Variants in LRP1B observed in about 807,000 individuals in gnomAD.
LRP1B encodes the protein LDL receptor related protein 1B.
In LRP1B, 217 loss-of-function variants were observed where a neutral mutation model predicts 556.6. The ratio of observed to expected loss-of-function variants is 0.39; its 90% confidence interval spans 0.35 to 0.44. LRP1B has a LOEUF of 0.44. Ranked by LOEUF, LRP1B falls within the 20% of genes least tolerant of loss-of-function variation. The pLI is 1.00. For synonymous variants in LRP1B, 2,047 were observed against 1,865.8 expected (o/e 1.10, Z -2.50); for missense variants, 5,053 against 5,620.8 (o/e 0.90, Z 3.23).
chr2:141,011,658 C>T (rs1056124699), intron 14 of LRP1B, among the ~76,000 whole-genome samples: 5 of 151,976 alleles, frequency 3.3e-5, no homozygotes, highest in Non-Finnish European at 5.9e-5. Flanking sequence ...GTAAACAAAA[C>T]ATTATGGTTT....
intron 21 of LRP1B, among the ~76,000 whole-genome samples, chr2:140,912,967 C>A (rs1036688497): frequency 6.6e-6 from 1 of 150,958 alleles, no homozygotes; most frequent in African/African-American, 2.5e-5. Flanking sequence ...AAAAAGATAA[C>A]AAATGTTGTA....
intron 2 of LRP1B, among the ~76,000 whole-genome samples, chr2:141,636,891 A>G (rs562559984): frequency 6.6e-6 from 1 of 152,180 alleles, no homozygotes; most frequent in Admixed American, 6.6e-5. Flanking sequence ...TCCATACTGC[A>G]TACATATGTA....
chr2:140,908,365 A>T (rs1052159408), intron 21 of LRP1B, among the ~76,000 whole-genome samples: 11 of 141,006 alleles, frequency 7.8e-5, no homozygotes, highest in East Asian at 4.1e-4. Context: ...ATATTTATAT[A>T]ATATATATAT....
intron 1 of LRP1B, among the ~76,000 whole-genome samples, chr2:141,986,014 T>C (rs747001516): frequency 4.6e-5 from 7 of 151,984 alleles, no homozygotes; most frequent in African/African-American, 7.2e-5. Flanking sequence ...ATATTAAGAA[T>C]ATTAGAGAAT....
chr2:140,358,424 A>C (rs1215111795), intron 73 of LRP1B, among the ~76,000 whole-genome samples: 1 of 151,738 alleles, frequency 6.6e-6, no homozygotes, highest in African/African-American at 2.4e-5. Context: ...CTTTGTCTCC[A>C]GATGATTTTG....
chr2:141,461,898 G>A (rs1157201659), intron 3 of LRP1B, among the ~76,000 whole-genome samples: 3 of 152,122 alleles, frequency 2.0e-5, no homozygotes, highest in Admixed American at 2.0e-4. Context: ...CTAACATTGA[G>A]TCAACTCTGA....
intron 3 of LRP1B, among the ~76,000 whole-genome samples, chr2:141,409,000 G>A (rs1690749128): frequency 6.6e-6 from 1 of 152,114 alleles, no homozygotes; most frequent in African/African-American, 2.4e-5. Context: ...ATTGGCTTCT[G>A]TGTAATATTG....
intron 15 of LRP1B, among the ~76,000 whole-genome samples, chr2:140,998,708 C>T (rs1697325402): frequency 6.6e-6 from 1 of 152,022 alleles, no homozygotes; most frequent in Admixed American, 6.6e-5. Context: ...GGGTACATGC[C>T]TTTGCTGGCA....
intron 1 of LRP1B, among the ~76,000 whole-genome samples, chr2:141,962,572 T>A (rs1417939458): frequency 6.6e-6 from 1 of 151,822 alleles, no homozygotes; most frequent in African/African-American, 2.4e-5. Flanking sequence ...CTGGTCCCTA[T>A]TTTAAGTTTT....
chr2:140,838,744 G>C (rs532167088), intron 31 of LRP1B, among the ~76,000 whole-genome samples: 15 of 151,990 alleles, frequency 9.9e-5, no homozygotes, highest in Non-Finnish European at 2.2e-4. Context: ...TATCAAAATT[G>C]AGGCTTACTA....
chr2:140,896,125 G>A (rs1035620182), intron 23 of LRP1B, among the ~76,000 whole-genome samples: 10 of 151,826 alleles, frequency 6.6e-5, no homozygotes, highest in Non-Finnish European at 5.9e-5. Context: ...TCATATTTTA[G>A]GTGGTCCTAA....
At chr2:141,144,715 C>T (rs1701740528) in intron 7 of LRP1B, among the ~76,000 whole-genome samples, 1 of 152,112 alleles carries the variant, frequency 6.6e-6, no homozygotes, top group African/African-American at 2.4e-5. Context: ...TTATTAGAAG[C>T]ACCGCAAGGC....
chr2:140,522,055 T>C (rs1690203357), intron 49 of LRP1B, among the ~76,000 whole-genome samples: 1 of 151,986 alleles, frequency 6.6e-6, no homozygotes, highest in Admixed American at 6.6e-5. Flanking sequence ...ACAAGGAAAT[T>C]CTGAATGTAA....
At chr2:140,820,958 C>T (rs1409532523) in intron 31 of LRP1B, among the ~76,000 whole-genome samples, 3 of 148,790 alleles carry the variant, frequency 2.0e-5, no homozygotes, top group Non-Finnish European at 4.4e-5. Flanking sequence ...GTAGCAATTT[C>T]AAAATATTAT....
intron 59 of LRP1B, among the ~76,000 whole-genome samples, chr2:140,480,242 T>C (rs557122339): frequency 2.0e-4 from 31 of 152,156 alleles, no homozygotes; most frequent in Admixed American, 1.1e-3. Context: ...TCTTGGAAAA[T>C]TTGGTAGTTA....
intron 35 of LRP1B, among the ~76,000 whole-genome samples, chr2:140,718,855 A>ATT (rs11395192): frequency 8.9e-4 from 135 of 151,034 alleles, no homozygotes; most frequent in African/African-American, 3.2e-3. Context: ...GTCTTCACAT[A>ATT]TTTTTTTTTC....
At chr2:141,935,066 TGAC>T (rs1558971415) in intron 1 of LRP1B, among the ~76,000 whole-genome samples, 2 of 151,598 alleles carry the variant, frequency 1.3e-5, no homozygotes, top group Non-Finnish European at 2.9e-5. Flanking sequence ...CTATAAAAAA[TGAC>T]AGTAAGACAG....
intron 3 of LRP1B, among the ~76,000 whole-genome samples, chr2:141,394,993 T>C (rs1245215250): frequency 6.6e-6 from 1 of 152,104 alleles, no homozygotes; most frequent in Non-Finnish European, 1.5e-5. Context: ...ATGGTCATGC[T>C]CTGCATAATG....
intron 1 of LRP1B, among the ~76,000 whole-genome samples, chr2:141,811,612 G>GAGT (rs1323519240): frequency 6.6e-6 from 1 of 152,014 alleles, no homozygotes; most frequent in African/African-American, 2.4e-5. Flanking sequence ...TAGGGTATAA[G>GAGT]AGTAGTCTTT....
Sources: gnomAD v4.1 joint callset for allele counts (sites outside exome capture counted in the v4.1 genomes callset) on GRCh38, gnomAD v4.1.1 for gene constraint, MANE v1.5 for transcripts, NCBI Gene and HGNC (gene_info 2026-07-23, HGNC 2026-07-21) for gene names.